The following DST variants were observed in gnomAD, a reference collection of about 807,000 sequenced individuals.
DST encodes bullous pemphigoid antigen.
A neutral mutation model predicts 875.2 loss-of-function variants in DST; 253 were observed. The ratio of observed to expected loss-of-function variants is 0.29; its 90% CI spans 0.26 to 0.32. DST has a LOEUF of 0.32. Among genes scored for constraint, DST ranks in the 10% least tolerant of loss-of-function variants. DST has a pLI of 1.00. For synonymous variants in DST, 3,124 were observed against 3,197.1 expected (o/e 0.98, Z 0.77); for missense variants, 8,287 against 9,111.6 (o/e 0.91, Z 3.68).
At chr6:56,730,207 TC>T (rs1285387193) in intron 5 of DST, among the ~76,000 whole-genome samples, 2 of 152,162 alleles carry the variant, frequency 1.3e-5, no homozygotes, top group Admixed American at 1.3e-4. Context: ...ACTCCAATCT[TC>T]CCCTAAAAAT....
chr6:56,722,400 T>A (rs1362696916), intron 5 of DST, among the ~76,000 whole-genome samples: 1 of 120,370 alleles, frequency 8.3e-6, no homozygotes, highest in Non-Finnish European at 1.6e-5. Context: ...TTATTTATTT[T>A]TGAGACGAAG....
At chr6:56,926,226 C>T (rs1464224601) in intron 2 of DST, among the ~76,000 whole-genome samples, 2 of 152,140 alleles carry the variant, frequency 1.3e-5, no homozygotes, top group African/African-American at 4.8e-5. Flanking sequence ...TGCCACTCAT[C>T]TTTCTTTCTC....
Position 56,546,254 on chromosome 6 carries a change from C to T in DST, c.16608+5930G>A, listed in dbSNP as rs1165770483. On this transcript the variant is annotated intron_variant, in intron 61 of 103. Coordinates refer to ENST00000680361, the MANE Select transcript of DST (RefSeq NM_001374736.1). ...TAAGACTATGCCTTTCCCACATCTT[C>T]AATGAGGTTTTCTGGTGACAGTGAA... Among the ~76,000 whole-genome samples, 3 of 148,160 alleles carry T rather than the reference C, an allele frequency of 2.0e-5. No individual in the cohort carries two copies. In the Admixed American group the frequency reaches 2.0e-4, roughly 10 times the overall value.
chr6:56,559,582 T>C (rs944080991), intron 58 of DST, among the ~76,000 whole-genome samples: 56 of 152,162 alleles, frequency 3.7e-4, no homozygotes, highest in African/African-American at 1.3e-3. Flanking sequence ...ACTATTTGTT[T>C]GAGCCATATA....
chr6:56,511,290 C>T lies in DST; in HGVS notation c.18687G>A (p.Lys6229=). The change falls in exon 73 of 104, where the codon AAG becomes AAA. Residue 6229 remains lysine, a synonymous_variant. Transcript: ENST00000680361. The part of the protein sequence containing the change: ...SPGEGFSIQE[K]YVAADTLYSQ... ...TGTAAAGGGTGTCGGCTGCCACATA[C>T]TTCTCTTGGATAGAAAAGCCTTCCC... 1 of 1,604,828 alleles carries T rather than the reference C, an allele frequency of 6.2e-7. No individual in the cohort carries two copies. The highest frequency in any genetic ancestry group is 8.5e-7 in the Non-Finnish European group (1 of 1,175,194).
intron 9 of DST, among the ~76,000 whole-genome samples, chr6:56,677,009 T>C (rs887031637): frequency 1.3e-5 from 2 of 152,198 alleles, no homozygotes; most frequent in Non-Finnish European, 2.9e-5. Context: ...CTTTAAAATT[T>C]CTAAAAGAGT....
At chr6:56,730,303 G>A (rs955223271) in intron 5 of DST, among the ~76,000 whole-genome samples, 1 of 152,092 alleles carries the variant, frequency 6.6e-6, no homozygotes, top group African/African-American at 2.4e-5. Context: ...TGATTAAAGG[G>A]AGTCTTCTAA....
intron 45 of DST, among the ~76,000 whole-genome samples, chr6:56,599,767 G>C (rs1217567163): frequency 6.6e-6 from 1 of 151,978 alleles, no homozygotes; most frequent in Non-Finnish European, 1.5e-5. Flanking sequence ...AAGTAGGTTG[G>C]CCTTAAATGA....
chr6:56,658,059 C>G (rs1438732856), intron 10 of DST, among the ~76,000 whole-genome samples: 1 of 151,578 alleles, frequency 6.6e-6, no homozygotes, highest in Non-Finnish European at 1.5e-5. Context: ...AGACACTGCG[C>G]CTGGCCGTAA....
In DST at chr6:56,639,961, C is replaced by A; in HGVS notation, c.2587G>T (p.Glu863Ter). ...KNVHRAIEEF[E>*]SSLKEAKISE... The stretch of plus-strand genomic sequence containing the variant: ...ATTTTAGCTTCTTTGAGACTAGATT[C>A]AAATTCTTCAATAGCTCTATGAACA... Residue 863 changes from glutamate (E) to a stop codon, truncating the protein, a stop_gained, in exon 19 of 104, where the codon GAA becomes TAA. Transcript: ENST00000680361. LOFTEE classifies it high-confidence loss of function. 6.2e-7 allele frequency: 1 copy of A among 1,613,188 alleles called. No individual in the cohort carries two copies. The highest frequency in any genetic ancestry group is 1.1e-5 in the South Asian group (1 of 90,996).
chr6:56,524,888 A>G (rs1022386183), intron 69 of DST, among the ~76,000 whole-genome samples: 2 of 151,240 alleles, frequency 1.3e-5, no homozygotes, highest in South Asian at 2.1e-4. Flanking sequence ...CTTTGAGAAA[A>G]TCTTGAAATT....
intron 36 of DST, chr6:56,616,274 C>T: frequency 6.2e-7 from 1 of 1,614,058 alleles, no homozygotes; most frequent in Non-Finnish European, 8.5e-7. Context: ...GAAGTGTAAT[C>T]CTGTTTTAGT....
chr6:56,857,536 T>C (rs114440127), intron 3 of DST, among the ~76,000 whole-genome samples: 2,330 of 152,326 alleles, frequency 0.015, 59 homozygotes, highest in African/African-American at 0.053. Context: ...CTAAGCATAA[T>C]TTTAGACAGA....
chr6:56,880,688 A>C (rs2127634208), intron 3 of DST, among the ~76,000 whole-genome samples: 1 of 151,618 alleles, frequency 6.6e-6, no homozygotes, highest in South Asian at 2.1e-4. Context: ...CTCCGTCTCA[A>C]AAAAAAGAAA....
chr6:56,781,801 A>G (rs2099694600), intron 4 of DST, among the ~76,000 whole-genome samples: 1 of 152,206 alleles, frequency 6.6e-6, no homozygotes, highest in Admixed American at 6.5e-5. Flanking sequence ...GTCTTGTGCC[A>G]GTTTTCAAAG....
intron 2 of DST, among the ~76,000 whole-genome samples, chr6:56,912,336 T>C (rs1330454123): frequency 6.6e-6 from 1 of 152,338 alleles, no homozygotes; most frequent in East Asian, 1.9e-4. Flanking sequence ...TTATTTAAAT[T>C]TTAATTAATT....
At position 56,911,080 on chromosome 6, in the gene DST, T is replaced by A. The variant is rs1470735735; in HGVS notation, c.217-10459A>T. Among the ~76,000 whole-genome samples, 5 of 152,196 alleles carry A rather than the reference T, an allele frequency of 3.3e-5. No individual in the cohort carries two copies. The South Asian group carries it at 8.3e-4, about 25-fold the overall frequency. The stretch of plus-strand genomic sequence containing the variant: ...GTTTTGTACTGTAGCCTCACACCCC[T>A]CCAGTTATGGTTGCTGGTTCTTGAC... On this transcript the variant is annotated intron_variant, in intron 2 of 103. Transcript: ENST00000680361.
chr6:56,619,367 T>C, intron 36 of DST: 1 of 1,613,724 alleles, frequency 6.2e-7, no homozygotes, highest in Middle Eastern at 1.7e-4. Flanking sequence ...ATTGAGCCTT[T>C]GGATTTTATC....
intron 2 of DST, among the ~76,000 whole-genome samples, chr6:56,907,930 C>T (rs997508864): frequency 9.2e-5 from 14 of 152,194 alleles, no homozygotes; most frequent in Middle Eastern, 3.4e-3. Context: ...ACCAGCCGGG[C>T]GTGGTGGCAC....
Sources: gnomAD v4.1 joint callset for allele counts (sites outside exome capture counted in the v4.1 genomes callset) on GRCh38, gnomAD v4.1.1 for gene constraint, MANE v1.5 for transcripts, NCBI Gene and HGNC (gene_info 2026-07-23, HGNC 2026-07-21) for gene names.